MYO9A: variants seen among roughly 807,000 people sequenced by gnomAD.
The protein encoded by MYO9A is unconventional myosin-IXa.
A neutral mutation model predicts 293.3 loss-of-function variants in MYO9A; 103 were observed. That is an observed-to-expected ratio of 0.35 (90% CI 0.30 to 0.41). The LOEUF (loss-of-function observed/expected upper bound fraction) is 0.41. MYO9A is among the 10% of genes least tolerant of loss of function. The pLI is 1.00. For synonymous variants in MYO9A, 1,001 were observed against 1,035.7 expected (o/e 0.97, Z 0.64); for missense variants, 2,685 against 3,033.0 (o/e 0.89, Z 2.69).
At chr15:72,019,842 C>T (rs959403012) in intron 5 of MYO9A, among the ~76,000 whole-genome samples, 4 of 152,108 alleles carry the variant, frequency 2.6e-5, no homozygotes, top group Admixed American at 1.3e-4. Flanking sequence ...CTCTGCCTCC[C>T]GGGTTGAAGC....
At position 71,934,786 on chromosome 15, in the gene MYO9A, C is replaced by CTTTTTT. The variant is rs1167613386; in HGVS notation, c.2522+549_2522+554dup. ...TGGCTAATTTTTTTTCTTTTCTTTT[C>CTTTTTT]TTTTTTTTTTTTTTTTTTTTTTTTT... On this transcript the variant is annotated intron_variant, in intron 17 of 41. Coordinates refer to ENST00000356056, the MANE Select transcript of MYO9A (RefSeq NM_006901.4). Among the ~76,000 whole-genome samples, 597 of 61,820 alleles carry CTTTTTT rather than the reference C, an allele frequency of 9.7e-3. 2 individuals carry two copies. Among genetic ancestry groups the CTTTTTT allele is most frequent in the African/African-American group, 0.015 (226 of 15,140 alleles). The allele number at this position is 61,820 out of a possible 152,430, so 40.6% of individuals were successfully genotyped here.
At position 71,917,832 on chromosome 15, in the gene MYO9A, A is replaced by C. The variant is rs539846103; in HGVS notation, c.2563-1340T>G. ...CAAAAGATTGTGTTAAAAACATGAC[A>C]AATTTTCAAGTCTAAAGGTATCTAT... On this transcript the variant is annotated intron_variant, in intron 18 of 41. Coordinates refer to ENST00000356056, the MANE Select transcript of MYO9A (RefSeq NM_006901.4). 9.8e-5 allele frequency among the ~76,000 whole-genome samples: 15 copies of C among 152,326 alleles called. No individual in the cohort carries two copies. The South Asian group carries it at 2.5e-3, about 25-fold the overall frequency.
chr15:72,098,993 A>C (rs1021322331), intron 1 of MYO9A, among the ~76,000 whole-genome samples: 1 of 152,128 alleles, frequency 6.6e-6, no homozygotes, highest in African/African-American at 2.4e-5. Context: ...AAAAATAATT[A>C]AGAAATTAAA....
At chr15:72,082,411 A>G (rs2079574841) in intron 1 of MYO9A, among the ~76,000 whole-genome samples, 1 of 152,160 alleles carries the variant, frequency 6.6e-6, no homozygotes, top group African/African-American at 2.4e-5. Flanking sequence ...CATCAGCTTA[A>G]GCAGCTTTTG....
At chr15:72,057,302 C>G (rs192738190) in intron 1 of MYO9A, among the ~76,000 whole-genome samples, 18 of 152,216 alleles carry the variant, frequency 1.2e-4, no homozygotes, top group Admixed American at 9.8e-4. Flanking sequence ...AAAACTTACT[C>G]ATGCAACCAA....
chr15:71,953,873 T>TTTTG (rs2059115841), intron 14 of MYO9A, among the ~76,000 whole-genome samples: 1 of 147,428 alleles, frequency 6.8e-6, no homozygotes, highest in East Asian at 2.0e-4. Flanking sequence ...ATCAACTGTT[T>TTTTG]TTTTGTTTTG....
At chr15:72,112,500 CT>C (rs1321177931) in intron 1 of MYO9A, among the ~76,000 whole-genome samples, 1 of 152,198 alleles carries the variant, frequency 6.6e-6, no homozygotes, top group Non-Finnish European at 1.5e-5. Context: ...ATATTATTTT[CT>C]GCCACTCTAA....
chr15:72,012,819 G>A (rs753765159), intron 6 of MYO9A, among the ~76,000 whole-genome samples: 5 of 152,026 alleles, frequency 3.3e-5, no homozygotes, highest in Admixed American at 2.0e-4. Context: ...AATCTTCCCC[G>A]AAAGTGAATG....
intron 4 of MYO9A, among the ~76,000 whole-genome samples, chr15:72,026,275 GAAAAAAA>G (rs35491673): frequency 1.6e-5 from 1 of 63,500 alleles, no homozygotes; most frequent in Non-Finnish European, 2.7e-5. Flanking sequence ...TCCGTCTCAA[GAAAAAAA>G]AAAAAAAAAA....
chr15:71,988,647 T>C (rs1215194188), intron 11 of MYO9A, among the ~76,000 whole-genome samples: 1 of 152,182 alleles, frequency 6.6e-6, no homozygotes, highest in Non-Finnish European at 1.5e-5. Context: ...GATAGGAGAC[T>C]TGATGATATA....
intron 39 of MYO9A, among the ~76,000 whole-genome samples, chr15:71,840,189 C>A (rs1320974121): frequency 6.6e-6 from 1 of 152,178 alleles, no homozygotes; most frequent in East Asian, 1.9e-4. Flanking sequence ...TTGAGGGGAC[C>A]CTGGAAACAA....
rs757506062 is a variant in MYO9A, at chr15:71,898,526, C to T, written c.3977G>A (p.Ser1326Asn). 1 of 1,614,038 alleles carries T rather than the reference C, an allele frequency of 6.2e-7. No homozygotes were observed. The highest frequency in any genetic ancestry group is 8.5e-7 in the Non-Finnish European group (1 of 1,180,038). The change falls in exon 25 of 42, where the codon AGC (serine) becomes AAC (asparagine). Residue 1326 changes from serine to asparagine, a missense_variant. Physicochemically the swap from Ser to Asn is conservative, Grantham distance 46. Coordinates refer to ENST00000356056, the MANE Select transcript of MYO9A (RefSeq NM_006901.4). ...QSPRGTPDSE[S>N]SQGSLELLSY... is the part of the protein sequence containing the mutation. Reference sequence around the variant, plus strand: ...CAGAAGTTCCAAGCTTCCTTGAGAGCTCTCACTATCAGGTGTACCCCGTGG... The same window carrying T: ...CAGAAGTTCCAAGCTTCCTTGAGAGTTCTCACTATCAGGTGTACCCCGTGG...
At chr15:72,014,875 C>T (rs1291242608) in intron 6 of MYO9A, among the ~76,000 whole-genome samples, 1 of 152,054 alleles carries the variant, frequency 6.6e-6, no homozygotes, top group Non-Finnish European at 1.5e-5. Context: ...CAGGGTTTCA[C>T]TCTGCCCACC....
At chr15:72,086,781 T>C (rs1270882935) in intron 1 of MYO9A, among the ~76,000 whole-genome samples, 3 of 152,064 alleles carry the variant, frequency 2.0e-5, no homozygotes, top group African/African-American at 7.2e-5. Flanking sequence ...TTGTTGTTTT[T>C]TTTGAGACAG....
At chr15:71,829,021 A>ACAATTGT (rs2054616752) in intron 40 of MYO9A, among the ~76,000 whole-genome samples, 1 of 152,178 alleles carries the variant, frequency 6.6e-6, no homozygotes, top group African/African-American at 2.4e-5. Flanking sequence ...CACCAGCATT[A>ACAATTGT]CAATTGTCTG....
Position 72,011,410 on chromosome 15 carries a change from A to C in MYO9A, c.1156-963T>G, listed in dbSNP as rs77154879. On this transcript the variant is annotated intron_variant, in intron 6 of 41. Coordinates refer to ENST00000356056, the MANE Select transcript of MYO9A (RefSeq NM_006901.4). ...ATAACAGACAACATGGTAATCAAAC[A>C]AGGAAAGAAAGAAGTATATGTGAAA... is the stretch of plus-strand genomic sequence containing the variant. 6.5e-3 allele frequency among the ~76,000 whole-genome samples: 986 copies of C among 152,038 alleles called. 11 individuals are homozygous for C. The highest frequency in any genetic ancestry group is 0.022 in the African/African-American group (921 of 41,532).
At chr15:71,987,979 A>T (rs1055500455) in intron 11 of MYO9A, among the ~76,000 whole-genome samples, 2 of 152,188 alleles carry the variant, frequency 1.3e-5, no homozygotes, top group Non-Finnish European at 2.9e-5. Flanking sequence ...CATTTTCCAT[A>T]AACTCTAAGG....
intron 8 of MYO9A, among the ~76,000 whole-genome samples, chr15:72,007,393 GA>G (rs894979341): frequency 3.3e-5 from 5 of 150,338 alleles, no homozygotes; most frequent in African/African-American, 7.3e-5. Context: ...ACCCATAAGG[GA>G]AAAAAAAAAA....
intron 39 of MYO9A, among the ~76,000 whole-genome samples, chr15:71,838,952 T>A (rs2055042221): frequency 6.6e-6 from 1 of 152,192 alleles, no homozygotes; most frequent in South Asian, 2.1e-4. Flanking sequence ...AATTTAAAAA[T>A]TCTTCTGAAT....
Sources: gnomAD v4.1 joint callset for allele counts (sites outside exome capture counted in the v4.1 genomes callset) on GRCh38, gnomAD v4.1.1 for gene constraint, MANE v1.5 for transcripts, NCBI Gene and HGNC (gene_info 2026-07-23, HGNC 2026-07-21) for gene names.